Variants in PDE4D observed in about 807,000 individuals in gnomAD.
PDE4D encodes 3',5'-cyclic-AMP phosphodiesterase 4D.
PDE4D carries 24 observed loss-of-function variants against 87.4 expected under a neutral mutation model. The observed-to-expected ratio is 0.27, with a 90% CI of 0.20 to 0.39. PDE4D has a LOEUF of 0.39. Among genes scored for constraint, PDE4D ranks in the 10% least tolerant of loss-of-function variants. PDE4D has a pLI of 1.00. For synonymous variants in PDE4D, 384 were observed against 383.2 expected (o/e 1.00, Z -0.02); for missense variants, 714 against 1,041.0 (o/e 0.69, Z 4.32).
At chr5:59,354,079 G>A (rs1196988542) in intron 1 of PDE4D, among the ~76,000 whole-genome samples, 1 of 152,014 alleles carries the variant, frequency 6.6e-6, no homozygotes, top group Non-Finnish European at 1.5e-5. Context: ...TTAAAGCTAA[G>A]TGTACCCCCA....
At chr5:60,231,547 A>G (rs987370495) in intron 1 of PDE4D, among the ~76,000 whole-genome samples, 2 of 151,976 alleles carry the variant, frequency 1.3e-5, no homozygotes, top group African/African-American at 4.8e-5. Flanking sequence ...GGATCCATTT[A>G]AGTTGGATTA....
chr5:60,304,651 C>CAAAAAAAAAAAAAAAAAAAAAA (rs70975379), intron 1 of PDE4D, among the ~76,000 whole-genome samples: 2 of 60,062 alleles, frequency 3.3e-5, no homozygotes, highest in African/African-American at 1.6e-4. Context: ...GACTCCGTCT[C>CAAAAAAAAAAAAAAAAAAAAAA]AAAAAAAAAA....
At chr5:59,589,193 C>T (rs1348975601) in intron 1 of PDE4D, among the ~76,000 whole-genome samples, 2 of 152,148 alleles carry the variant, frequency 1.3e-5, no homozygotes, top group East Asian at 3.8e-4. Context: ...AGTCTGGCTC[C>T]AGAGCCTGTA....
chr5:59,001,457 A>C (rs1212991494), intron 6 of PDE4D, among the ~76,000 whole-genome samples: 1 of 152,152 alleles, frequency 6.6e-6, no homozygotes, highest in African/African-American at 2.4e-5. Flanking sequence ...GCTTTTGTTA[A>C]CATCTGTTGT....
At chr5:60,050,140 G>C (rs921252460) in intron 2 of PDE4D, among the ~76,000 whole-genome samples, 1 of 152,106 alleles carries the variant, frequency 6.6e-6, no homozygotes, top group Non-Finnish European at 1.5e-5. Context: ...GGTGCTGTCT[G>C]TCACCCCTTT....
intron 1 of PDE4D, among the ~76,000 whole-genome samples, chr5:59,510,259 T>A (rs149610376): frequency 1.5e-3 from 220 of 151,492 alleles, no homozygotes; most frequent in East Asian, 9.7e-3. Context: ...TAAATCACTG[T>A]ATTAGAAATA....
At chr5:60,494,474 G>A (rs1749705056) in intron 1 of PDE4D, among the ~76,000 whole-genome samples, 3 of 152,182 alleles carry the variant, frequency 2.0e-5, no homozygotes, top group African/African-American at 7.2e-5. Context: ...GGAAGGGGCT[G>A]GAGAATTTCA....
chr5:59,226,485 C>T (rs1419544131), intron 1 of PDE4D, among the ~76,000 whole-genome samples: 1 of 151,890 alleles, frequency 6.6e-6, no homozygotes. Context: ...GGTTGCTGGG[C>T]CTGGGTGGAG....
intron 1 of PDE4D, among the ~76,000 whole-genome samples, chr5:60,255,834 A>C (rs139851464): frequency 1.0e-3 from 153 of 151,348 alleles, no homozygotes; most frequent in African/African-American, 3.6e-3. Context: ...CAACAAAGGA[A>C]TAAGCTTAAG....
chr5:60,086,240 A>C (rs1399202060), intron 2 of PDE4D, among the ~76,000 whole-genome samples: 1 of 152,204 alleles, frequency 6.6e-6, no homozygotes, highest in East Asian at 1.9e-4. Flanking sequence ...TTTTCCAATA[A>C]GATTGAATAT....
intron 1 of PDE4D, among the ~76,000 whole-genome samples, chr5:59,220,669 T>A (rs536606436): frequency 1.3e-5 from 2 of 152,158 alleles, no homozygotes; most frequent in African/African-American, 4.8e-5. Context: ...TGGCTTCAAA[T>A]AAGCTAGTTA....
intron 3 of PDE4D, among the ~76,000 whole-genome samples, chr5:59,927,129 A>G (rs892877634): frequency 7.2e-5 from 11 of 152,188 alleles, no homozygotes; most frequent in South Asian, 2.1e-4. Context: ...TCTGCATTTG[A>G]GTGTTTGAGC....
chr5:59,626,041 T>C (rs150874214), intron 1 of PDE4D, among the ~76,000 whole-genome samples: 2,713 of 152,290 alleles, frequency 0.018, 82 homozygotes, highest in African/African-American at 0.061. Flanking sequence ...TGAGCCCAGA[T>C]TGTGCCACTG....
chr5:59,185,154 C>T, intron 4 of PDE4D, 35 bp downstream of exon 4: 1 of 1,538,906 alleles, frequency 6.5e-7, no homozygotes, highest in Non-Finnish European at 9.0e-7. Flanking sequence ...TTTAAAAGTT[C>T]AGCAAAAAAG....
At chr5:60,083,759 C>T (rs1240894214) in intron 2 of PDE4D, among the ~76,000 whole-genome samples, 1 of 152,094 alleles carries the variant, frequency 6.6e-6, no homozygotes, top group Non-Finnish European at 1.5e-5. Context: ...AAATAAAGTA[C>T]ACATAGAACG....
At chr5:59,459,376 A>T (rs898212623) in intron 1 of PDE4D, among the ~76,000 whole-genome samples, 2 of 152,232 alleles carry the variant, frequency 1.3e-5, no homozygotes, top group African/African-American at 4.8e-5. Context: ...TAGTTCCAAC[A>T]GTGCTTACCT....
intron 1 of PDE4D, among the ~76,000 whole-genome samples, chr5:60,270,981 A>G (rs942406157): frequency 6.6e-6 from 1 of 152,224 alleles, no homozygotes; most frequent in Admixed American, 6.5e-5. Context: ...CAAGAGAATA[A>G]AAGATGCAGA....
At chr5:60,470,887 C>G (rs943778153) in intron 1 of PDE4D, among the ~76,000 whole-genome samples, 2 of 152,106 alleles carry the variant, frequency 1.3e-5, no homozygotes, top group African/African-American at 4.8e-5. Context: ...TGTTTTCATG[C>G]CTTTAACAAA....
chr5:59,503,594 T>C (rs1264881271), intron 1 of PDE4D, among the ~76,000 whole-genome samples: 1 of 152,152 alleles, frequency 6.6e-6, no homozygotes, highest in Non-Finnish European at 1.5e-5. Flanking sequence ...TCAATTAAAG[T>C]TTTATTTCCT....
Sources: allele counts gnomAD v4.1 joint callset (sites outside exome capture counted in the v4.1 genomes callset), GRCh38; gene constraint gnomAD v4.1.1; transcripts MANE v1.5; gene names NCBI Gene and HGNC (gene_info 2026-07-23, HGNC 2026-07-21).